ZNF710: variants seen among roughly 807,000 people sequenced by gnomAD.
The protein encoded by ZNF710 is zinc finger protein 710.
ZNF710 carries 13 observed loss-of-function variants against 50.6 expected under a neutral mutation model. The observed-to-expected ratio is 0.26, with a 90% CI of 0.17 to 0.41. The LOEUF is 0.41. Ranked by LOEUF, ZNF710 falls within the 10% of genes least tolerant of loss-of-function variation. The probability of loss-of-function intolerance (pLI) is 1.00; values close to 1 mark genes in which losing one functional copy is unlikely to be tolerated. For synonymous variants in ZNF710, 383 were observed against 397.0 expected (o/e 0.96, Z 0.42); for missense variants, 721 against 936.6 (o/e 0.77, Z 3.01).
At chr15:90,008,277 T>C (rs995612979) in intron 1 of ZNF710, among the ~76,000 whole-genome samples, 13 of 151,602 alleles carry the variant, frequency 8.6e-5, no homozygotes, top group Admixed American at 3.3e-4. Context: ...CTTTTGTCTT[T>C]TCTCTCATTC....
intron 1 of ZNF710, among the ~76,000 whole-genome samples, chr15:90,009,487 C>T (rs867947191): frequency 1.3e-5 from 2 of 152,124 alleles, no homozygotes; most frequent in South Asian, 2.1e-4. Context: ...TCCTGTCCTC[C>T]CACTACACAG....
Position 90,059,792 on chromosome 15 carries a change from T to C in ZNF710, c.-28-7318T>C, listed in dbSNP as rs369225197. Among the ~76,000 whole-genome samples, 1 of 152,196 alleles carries C rather than the reference T, an allele frequency of 6.6e-6. No individual in the cohort carries two copies. ...GAGTAGAGTTTCCCTTGAAGCCTCC[T>C]GCGAGGAGGACAACAGGGGAAACCA... On this transcript the variant is annotated intron_variant, in intron 1 of 4. Coordinates refer to ENST00000268154, the MANE Select transcript of ZNF710 (RefSeq NM_198526.4). This position sits in a 1 kb window ranked among gnomAD's most constrained non-coding sequence, Gnocchi z 4.1.
intron 1 of ZNF710, among the ~76,000 whole-genome samples, chr15:90,014,890 AT>A (rs71151546): frequency 0.035 from 4,775 of 136,716 alleles, 204 homozygotes; most frequent in African/African-American, 0.11. Context: ...CATCAACTGA[AT>A]TTTTTTTTTT....
chr15:90,045,357 G>A (rs1035235279), intron 1 of ZNF710: 16 of 985,328 alleles, frequency 1.6e-5, no homozygotes, highest in South Asian at 4.7e-5. Context: ...CTTCAAGGAC[G>A]TGAGCCATGG....
At chr15:90,023,206 C>A (rs1898673522) in intron 1 of ZNF710, among the ~76,000 whole-genome samples, 1 of 152,198 alleles carries the variant, frequency 6.6e-6, no homozygotes, top group South Asian at 2.1e-4. Context: ...ACACTCCATC[C>A]ATTGAACCAC....
rs188646867 is a variant in ZNF710, at chr15:90,034,250, T to C, written c.-29+32636T>C. Among the ~76,000 whole-genome samples, 2 of 151,946 alleles carry C rather than the reference T, an allele frequency of 1.3e-5. No homozygotes were observed. Among genetic ancestry groups the C allele is most frequent in the Admixed American group, 1.3e-4 (2 of 15,266 alleles). On this transcript the variant is annotated intron_variant, in intron 1 of 4. Coordinates refer to ENST00000268154, the MANE Select transcript of ZNF710 (RefSeq NM_198526.4). This position sits in a 1 kb window ranked among gnomAD's most constrained non-coding sequence, Gnocchi z 4.0. The stretch of plus-strand genomic sequence containing the variant: ...AAGAAAACAGGTGAACGACAGTCAC[T>C]CCTGGAGGGGTTCTTCTGCCAGATA...
chr15:90,066,245 A>G (rs1432210389), intron 1 of ZNF710, among the ~76,000 whole-genome samples: 1 of 152,136 alleles, frequency 6.6e-6, no homozygotes. Flanking sequence ...TGTTTCTGCC[A>G]TACGTTCTCG....
Position 90,034,026 on chromosome 15 carries a change from AC to A in ZNF710, c.-29+32415del, listed in dbSNP as rs1224069659. Among the ~76,000 whole-genome samples the A allele has an allele frequency of 6.6e-6, 1 of 152,042 alleles. No individual in the cohort carries two copies. The highest frequency in any genetic ancestry group is 1.5e-5 in the Non-Finnish European group (1 of 68,002). On this transcript the variant is annotated intron_variant, in intron 1 of 4. Coordinates refer to ENST00000268154, the MANE Select transcript of ZNF710 (RefSeq NM_198526.4). The surrounding 1 kb of genome is among the most constrained non-coding windows in gnomAD (Gnocchi z 4.0). ...AGACCAGCTTGGCTAACATGGTGAA[AC>A]CCTGTCTTTACTAAAAGTACAAAAA...
rs1176098542 is a variant in ZNF710 at position 90,021,679 on chromosome 15, T to C, written c.-29+20065T>C. On this transcript the variant is annotated intron_variant, in intron 1 of 4. Transcript: ENST00000268154. The stretch of plus-strand genomic sequence containing the variant: ...CCAGTCCAGAAGGGGTACTAGATAT[T>C]GGATATAGACACAAAAGCACAGGAA... Among the ~76,000 whole-genome samples, 3 of 152,028 alleles carry C rather than the reference T, an allele frequency of 2.0e-5. No homozygotes were observed. The East Asian group carries it at 5.8e-4, about 29-fold the overall frequency.
chr15:90,012,947 T>C (rs1397846295), intron 1 of ZNF710, among the ~76,000 whole-genome samples: 1 of 152,218 alleles, frequency 6.6e-6, no homozygotes, highest in Non-Finnish European at 1.5e-5. Flanking sequence ...TTTAATCATA[T>C]TAAACACGTT....
chr15:90,073,427 C>T (rs960862745), intron 3 of ZNF710, among the ~76,000 whole-genome samples, 165 bp downstream of exon 3: 10 of 152,126 alleles, frequency 6.6e-5, no homozygotes, highest in African/African-American at 9.7e-5. Flanking sequence ...GGAGGGCAGG[C>T]GGGGATTCAC....
chr15:90,074,277 C>T lies in ZNF710; in HGVS notation c.1812C>T (p.Gly604=). The T allele has an allele frequency of 1.2e-6, 2 of 1,613,370 alleles. No homozygotes were observed. The highest frequency in any genetic ancestry group is 2.2e-5 in the South Asian group (2 of 91,082). The change falls in exon 4 of 5, where the codon GGC becomes GGT. Residue 604 remains glycine, a synonymous_variant. Transcript: ENST00000268154. ...MKVKHGVMDI[G]LDSQDPMMEL... is the part of the protein sequence containing the mutation. ...TCAAGCATGGCGTCATGGACATCGG[C>T]CTGGACAGCCAAGGTGGGTGGGCCA...
intron 1 of ZNF710, among the ~76,000 whole-genome samples, chr15:90,043,489 G>A (rs950762349): frequency 3.9e-5 from 6 of 152,248 alleles, no homozygotes; most frequent in Non-Finnish European, 7.3e-5. Context: ...AACTCCCCTT[G>A]GGGGTGTAAC....
chr15:90,008,743 T>C (rs900939651), intron 1 of ZNF710, among the ~76,000 whole-genome samples: 5 of 151,244 alleles, frequency 3.3e-5, no homozygotes, highest in African/African-American at 1.2e-4. Context: ...ATGGCCTCAG[T>C]GTACTCCAGC....
rs149645916 is a variant in ZNF710 at position 90,060,568 on chromosome 15, G to C, written c.-28-6542G>C. 8.6e-4 allele frequency among the ~76,000 whole-genome samples: 130 copies of C among 151,340 alleles called. 1 individual carries two copies. Among genetic ancestry groups the C allele is most frequent in the East Asian group, 4.7e-3 (24 of 5,096 alleles). On this transcript the variant is annotated intron_variant, in intron 1 of 4. Coordinates refer to ENST00000268154, the MANE Select transcript of ZNF710 (RefSeq NM_198526.4). Reference sequence around the variant, plus strand: ...GGCCCATCTCTTAAAAAAATAAAAAGTCAGGCCGGGCGCAGTAGCTCACGC... The same window carrying C: ...GGCCCATCTCTTAAAAAAATAAAAACTCAGGCCGGGCGCAGTAGCTCACGC...
chr15:90,042,656 C>T (rs1899333840), intron 1 of ZNF710, among the ~76,000 whole-genome samples: 1 of 152,144 alleles, frequency 6.6e-6, no homozygotes, highest in Non-Finnish European at 1.5e-5. Flanking sequence ...TACTGAGAGA[C>T]AGCAGGAGAA....
At chr15:90,043,140 C>T (rs2151497947) in intron 1 of ZNF710, among the ~76,000 whole-genome samples, 1 of 152,378 alleles carries the variant, frequency 6.6e-6, no homozygotes. Context: ...CTCCTGTGTG[C>T]AGGCAGCCGG....
At chr15:90,057,096 G>T (rs568264496) in intron 1 of ZNF710, among the ~76,000 whole-genome samples, 1 of 152,108 alleles carries the variant, frequency 6.6e-6, no homozygotes, top group Admixed American at 6.5e-5. Context: ...TCCTTTGTGT[G>T]TTCTTTGCAC....
intron 1 of ZNF710, among the ~76,000 whole-genome samples, chr15:90,047,166 C>T (rs919203753): frequency 6.6e-6 from 1 of 152,134 alleles, no homozygotes; most frequent in Non-Finnish European, 1.5e-5. Context: ...TTTCCAGGGC[C>T]CCAGTTTCCC....
Sources: gnomAD v4.1 joint callset for allele counts (sites outside exome capture counted in the v4.1 genomes callset) on GRCh38, gnomAD v4.1.1 for gene constraint, Gnocchi (gnomAD v3.1) non-coding constraint, MANE v1.5 for transcripts, NCBI Gene and HGNC (gene_info 2026-07-23, HGNC 2026-07-21) for gene names.